The following RABGAP1L variants were observed in gnomAD, a reference collection of about 807,000 sequenced individuals.
RABGAP1L encodes rab GTPase-activating protein 1-like.
In RABGAP1L, 63 loss-of-function variants were observed where a neutral mutation model predicts 137.7. That is an observed-to-expected ratio of 0.46 (90% CI 0.37 to 0.56). RABGAP1L has a LOEUF of 0.56. RABGAP1L is among the 20% of genes least tolerant of loss of function. RABGAP1L has a pLI of 0.00. For synonymous variants in RABGAP1L, 431 were observed against 433.7 expected (o/e 0.99, Z 0.08); for missense variants, 1,095 against 1,244.0 (o/e 0.88, Z 1.80).
chr1:174,498,196 A>C (rs1023710079), intron 13 of RABGAP1L, among the ~76,000 whole-genome samples: 1 of 152,154 alleles, frequency 6.6e-6, no homozygotes, highest in Admixed American at 6.5e-5. Flanking sequence ...GAGTATATTC[A>C]ACAAAAGAAG....
intron 20 of RABGAP1L, 96 bp downstream of exon 20, chr1:174,957,645 G>T (rs2149342719): frequency 8.8e-7 from 1 of 1,141,002 alleles, no homozygotes; most frequent in East Asian, 2.6e-5. Context: ...TTGAACACCT[G>T]GCCTCAAGCA....
rs542601887 is a variant in RABGAP1L at position 174,658,814 on chromosome 1, C to T, written c.1824+21326C>T. ...ACTTTTTAAAGATGAATTTTATTAC[C>T]CTTTCCGTTCTTCATGAGTTTTACT... is the stretch of plus-strand genomic sequence containing the variant. On this transcript the variant is annotated intron_variant, in intron 14 of 25. Transcript: ENST00000681986. Among the ~76,000 whole-genome samples the T allele has an allele frequency of 3.3e-5, 5 of 152,230 alleles. No individual in the cohort carries two copies. The South Asian group carries it at 8.3e-4, about 25-fold the overall frequency.
At position 174,992,322 on chromosome 1, in the gene RABGAP1L, C is replaced by G. The variant is rs1037763233; in HGVS notation, c.*2321C>G. 1.3e-5 allele frequency: 2 copies of G among 152,258 alleles called. No homozygotes were observed. The highest frequency in any genetic ancestry group is 2.9e-5 in the Non-Finnish European group (2 of 68,190). The allele number at this position is 152,258 out of a possible 1,614,324, so 9.4% of individuals were successfully genotyped here. A position where few individuals can be genotyped will look rare whatever the true frequency, so the allele number is the denominator to read the frequency against. On this transcript the variant is annotated 3_prime_UTR_variant, in exon 26 of 26. Coordinates refer to ENST00000681986, the MANE Select transcript of RABGAP1L (RefSeq NM_001366446.1). ...GGGCTTGGTGGCGGGTGCCTGTAAT[C>G]CCAGCTACTCGGGAGGTTGAGGCAG...
At chr1:174,367,627 A>T (rs770613408) in intron 11 of RABGAP1L, 5 of 269,406 alleles carry the variant, frequency 1.9e-5, no homozygotes, top group Non-Finnish European at 7.3e-6. Flanking sequence ...TTTGTTTCAG[A>T]AGGCTTGCCT....
At chr1:174,973,717 T>C (rs992696750) in intron 21 of RABGAP1L, among the ~76,000 whole-genome samples, 7 of 151,928 alleles carry the variant, frequency 4.6e-5, no homozygotes, top group Non-Finnish European at 1.0e-4. Flanking sequence ...CATAAAATGT[T>C]AAAATTTTAG....
At chr1:174,238,876 G>C (rs1439509608) in intron 4 of RABGAP1L, 1 of 157,862 alleles carries the variant, frequency 6.3e-6, no homozygotes, top group East Asian at 1.9e-4. Flanking sequence ...CCTTGCTGCC[G>C]CCTTGCAGTT....
chr1:174,691,312 G>A lies in RABGAP1L; in HGVS notation c.1899+7716G>A, dbSNP rs80270810. ...GTTTTACTTCAAAAAATACCTTGATGTAAATGATTTCAGGTGCATCTTAAA... is the reference window on the plus strand; with the variant it reads ...GTTTTACTTCAAAAAATACCTTGATATAAATGATTTCAGGTGCATCTTAAA... On this transcript the variant is annotated intron_variant, in intron 15 of 25. Transcript: ENST00000681986. Among the ~76,000 whole-genome samples, 256 of 152,290 alleles carry A rather than the reference G, an allele frequency of 1.7e-3. 4 individuals are homozygous for A. The East Asian group carries it at 0.046, about 27-fold the overall frequency.
At chr1:174,902,195 G>A (rs1046393236) in intron 19 of RABGAP1L, among the ~76,000 whole-genome samples, 3 of 152,216 alleles carry the variant, frequency 2.0e-5, no homozygotes, top group Non-Finnish European at 4.4e-5. Flanking sequence ...AAGCAGTCTG[G>A]CTGCTTTTTG....
chr1:174,793,577 T>A (rs1688016612), intron 18 of RABGAP1L, among the ~76,000 whole-genome samples: 1 of 152,254 alleles, frequency 6.6e-6, no homozygotes, highest in Non-Finnish European at 1.5e-5. Flanking sequence ...ACTTGTAAGC[T>A]CAGTCTCATT....
chr1:174,826,240 C>A (rs1026792598), intron 19 of RABGAP1L, among the ~76,000 whole-genome samples: 23 of 151,874 alleles, frequency 1.5e-4, no homozygotes, highest in Non-Finnish European at 2.6e-4. Flanking sequence ...TTCTTTTTTT[C>A]TTTTTTTGGA....
At chr1:174,860,472 A>AT (rs1342524496) in intron 19 of RABGAP1L, among the ~76,000 whole-genome samples, 1 of 152,120 alleles carries the variant, frequency 6.6e-6, no homozygotes, top group African/African-American at 2.4e-5. Flanking sequence ...AAATCAAGTG[A>AT]TTTTTTAAAA....
chr1:174,400,512 A>G (rs990827336), intron 13 of RABGAP1L, among the ~76,000 whole-genome samples: 2 of 152,014 alleles, frequency 1.3e-5, no homozygotes, highest in African/African-American at 4.8e-5. Flanking sequence ...GTCATAGTTG[A>G]CTTATTTGTA....
Position 174,900,699 on chromosome 1 carries a change from T to C in RABGAP1L, c.2341-56758T>C, listed in dbSNP as rs1027159906. Among the ~76,000 whole-genome samples the C allele has an allele frequency of 1.4e-4, 21 of 152,188 alleles. No homozygotes were observed. The East Asian group carries it at 4.1e-3, about 29-fold the overall frequency. ...TACACCCAGCTAATTTTTCTATTTT[T>C]AGTAGAGACAGGGTTTCACCATGTT... On this transcript the variant is annotated intron_variant, in intron 19 of 25. Coordinates refer to ENST00000681986, the MANE Select transcript of RABGAP1L (RefSeq NM_001366446.1).
At chr1:174,646,720 T>C (rs974698839) in intron 14 of RABGAP1L, among the ~76,000 whole-genome samples, 3 of 152,190 alleles carry the variant, frequency 2.0e-5, no homozygotes, top group Non-Finnish European at 4.4e-5. Flanking sequence ...ATGAGAAATT[T>C]AAAGTAGTTT....
At chr1:174,738,136 A>G (rs1055151037) in intron 17 of RABGAP1L, among the ~76,000 whole-genome samples, 2 of 152,196 alleles carry the variant, frequency 1.3e-5, no homozygotes, top group Admixed American at 1.3e-4. Context: ...AGATGTTTCA[A>G]GGAGGAGATT....
intron 18 of RABGAP1L, among the ~76,000 whole-genome samples, chr1:174,759,631 G>A (rs1432909072): frequency 6.6e-6 from 1 of 152,054 alleles, no homozygotes; most frequent in African/African-American, 2.4e-5. Context: ...TTTTATTTTG[G>A]CTTACAGTTC....
intron 18 of RABGAP1L, among the ~76,000 whole-genome samples, chr1:174,782,963 G>A (rs533004889): frequency 6.6e-5 from 10 of 152,126 alleles, no homozygotes; most frequent in Non-Finnish European, 1.3e-4. Context: ...ACCCCCTTTG[G>A]GTCCCCTCCC....
At chr1:174,786,587 A>G (rs761431861) in intron 18 of RABGAP1L, among the ~76,000 whole-genome samples, 7 of 152,202 alleles carry the variant, frequency 4.6e-5, no homozygotes, top group Non-Finnish European at 8.8e-5. Flanking sequence ...TCAAATTTAC[A>G]TGTTCTTGAA....
intron 5 of RABGAP1L, among the ~76,000 whole-genome samples, chr1:174,248,439 A>G (rs988822212): frequency 1.1e-4 from 16 of 152,200 alleles, no homozygotes; most frequent in African/African-American, 3.6e-4. Context: ...CTCATATAAG[A>G]TTAAAATGGG....
Sources: gnomAD v4.1 joint callset for allele counts (sites outside exome capture counted in the v4.1 genomes callset) on GRCh38, gnomAD v4.1.1 for gene constraint, MANE v1.5 for transcripts, NCBI Gene and HGNC (gene_info 2026-07-23, HGNC 2026-07-21) for gene names.